PIAS3: variants seen among roughly 807,000 people sequenced by gnomAD.
The protein encoded by PIAS3 is E3 SUMO-protein ligase PIAS3.
Under a neutral mutation model 67.6 loss-of-function variants are expected in PIAS3, and 34 were observed. The ratio of observed to expected loss-of-function variants is 0.50; its 90% CI spans 0.38 to 0.67. PIAS3 has a LOEUF of 0.67. Among genes scored for constraint, PIAS3 ranks in the 30% least tolerant of loss-of-function variants. The probability of loss-of-function intolerance (pLI) is 0.00; values close to 1 mark genes in which losing one functional copy is unlikely to be tolerated. For missense variants in PIAS3, 693 were observed against 791.6 expected (o/e 0.88, Z 1.49); for synonymous variants, 341 against 313.8 (o/e 1.09, Z -0.92).
chr1:145,854,790 C>T lies in PIAS3; in HGVS notation c.760G>A (p.Val254Ile). Residue 254 changes from valine to isoleucine, a missense_variant, in exon 6 of 14, where the codon GTT becomes ATT. Val to Ile is a conservative substitution (Grantham distance 29, BLOSUM62 3). Coordinates refer to ENST00000393045, the MANE Select transcript of PIAS3 (RefSeq NM_006099.3). ...CAATTGACCACAATGGTGTTGGGAA[C>T]AGTGGCTGAGAGTCGAGCCAGGGGT... ...ITPLARLSAT[V>I]PNTIVVNWSS... 1 of 1,614,192 alleles carries T rather than the reference C, an allele frequency of 6.2e-7. No homozygotes were observed. Among genetic ancestry groups the T allele is most frequent in the East Asian group, 2.2e-5 (1 of 44,884 alleles).
chr1:145,854,217 G>T (rs1463017716), intron 7 of PIAS3: 2 of 598,212 alleles, frequency 3.3e-6, no homozygotes, highest in Non-Finnish European at 5.9e-6. Flanking sequence ...AGCAGGGCTG[G>T]AGTTAGGGAC....
In PIAS3 at chr1:145,853,902, G is replaced by C; in HGVS notation, c.911-16C>G. 2 of 1,612,478 alleles carry C rather than the reference G, an allele frequency of 1.2e-6. No individual in the cohort carries two copies. The highest frequency in any genetic ancestry group is 8.5e-7 in the Non-Finnish European group (1 of 1,179,058). ...TTCTCCTTGACTGAAACAAAAGTGA[G>C]GCCAGAGCCATGGGGTCAGCAAGGC... On this transcript the variant is annotated splice_polypyrimidine_tract_variant and intron_variant, in intron 7 of 13. Transcript: ENST00000393045.
At chr1:145,858,564 C>T (rs1653286391) in intron 1 of PIAS3, among the ~76,000 whole-genome samples, 2 of 151,592 alleles carry the variant, frequency 1.3e-5, no homozygotes, top group Non-Finnish European at 2.9e-5. Flanking sequence ...CCTACGTCTG[C>T]CCCGCGGTCC....
chr1:145,856,368 A>G lies in PIAS3; in HGVS notation c.506T>C (p.Val169Ala). 6.2e-7 allele frequency: 1 copy of G among 1,613,958 alleles called. No individual in the cohort carries two copies. Residue 169 changes from valine (V) to alanine (A), a missense_variant, in exon 3 of 14, where the codon GTG (valine) becomes GCG (alanine). Physicochemically the swap from Val to Ala is moderately conservative, Grantham distance 64. Transcript: ENST00000393045. ...GTACCTGGATGTAAGAATCTGCTGC[A>G]CTTGCTGGGGTGTGAGGGCAAAGGT... is the stretch of plus-strand genomic sequence containing the variant. ...HFTFALTPQQVQQILTSREVL... is the reference protein window; with the variant it reads ...HFTFALTPQQAQQILTSREVL...
rs112106951 is a variant in PIAS3 at position 145,856,094 on chromosome 1, A to G, written c.552T>C (p.Cys184=). The G allele has an allele frequency of 1.9e-3, 3,134 of 1,613,960 alleles. 52 individuals are homozygous for G. The African/African-American group carries it at 0.036, about 19-fold the overall frequency. ...TSREVLPGAK[C]DYTIQVQLRF... is the part of the protein sequence containing the mutation. ...TTAGCTGCACCTGTATGGTATAATC[A>G]CATTTGGCTCCTGGCAGAACCTCTC... Residue 184 remains cysteine (C), a synonymous_variant, in exon 4 of 14, where the codon TGT becomes TGC. Transcript: ENST00000393045.
intron 1 of PIAS3, chr1:145,857,218 C>T: frequency 5.1e-6 from 3 of 582,778 alleles, no homozygotes; most frequent in East Asian, 5.6e-5. Flanking sequence ...AGCATCATCA[C>T]CACCACCCCC....
Position 145,856,121 on chromosome 1 carries a change from G to A in PIAS3, c.528-3C>T, listed in dbSNP as rs781925841. 1.2e-6 allele frequency: 2 copies of A among 1,613,082 alleles called. No homozygotes were observed. The highest frequency in any genetic ancestry group is 4.5e-5 in the East Asian group (2 of 44,882). Reference sequence around the variant, plus strand: ...ATTTGGCTCCTGGCAGAACCTCTCTGTAACAGGGAGGGAGATGAAGAGATG... The same window carrying A: ...ATTTGGCTCCTGGCAGAACCTCTCTATAACAGGGAGGGAGATGAAGAGATG... On this transcript the variant is annotated splice_polypyrimidine_tract_variant and splice_region_variant and intron_variant, in intron 3 of 13. Coordinates refer to ENST00000393045, the MANE Select transcript of PIAS3 (RefSeq NM_006099.3).
rs1652831575 is a variant in PIAS3, at chr1:145,848,691, C to G, written c.*755G>C. On this transcript the variant is annotated 3_prime_UTR_variant, in exon 14 of 14. Transcript: ENST00000393045. ...AAGGTGCAGAATGAGCCAGGCCTAA[C>G]TACAGGGCCATGAGCCTCTAGAAGC... 3.7e-6 allele frequency: 2 copies of G among 540,676 alleles called. No individual in the cohort carries two copies. Among genetic ancestry groups the G allele is most frequent in the East Asian group, 6.2e-5 (2 of 32,112 alleles). 33.5% of individuals were successfully genotyped at this position (540,676 alleles called of 1,614,324 possible). A position where few individuals can be genotyped will look rare whatever the true frequency, so the allele number is the denominator to read the frequency against.
Position 145,855,916 on chromosome 1 carries a change from A to G in PIAS3, c.579-90T>C, listed in dbSNP as rs60752152. ...GACAGGGAACCCCAGAAAATCAGTC[A>G]TAGATGCCTGAAGCCCTCAGCATCC... On this transcript the variant is annotated intron_variant, in intron 4 of 13. Transcript: ENST00000393045. 187 of 1,074,550 alleles carry G rather than the reference A, an allele frequency of 1.7e-4. No individual in the cohort carries two copies. In the East Asian group the frequency reaches 4.3e-3, roughly 25 times the overall value. The allele number at this position is 1,074,550 out of a possible 1,614,324, so 66.6% of individuals were successfully genotyped here.
Position 145,848,837 on chromosome 1 carries a change from G to C in PIAS3, c.*609C>G, listed in dbSNP as rs1652838913. ...TGGCTAAGGCCTTACATCCTCCTCT[G>C]TCATACTGGAGTAGGAGGCAGGGGA... On this transcript the variant is annotated 3_prime_UTR_variant, in exon 14 of 14. Transcript: ENST00000393045. The C allele has an allele frequency of 5.3e-6, 1 of 190,192 alleles. No homozygotes were observed. The highest frequency in any genetic ancestry group is 1.1e-5 in the Non-Finnish European group (1 of 93,462). The allele number at this position is 190,192 out of a possible 1,614,324, so 11.8% of individuals were successfully genotyped here.
chr1:145,849,985 A>C lies in PIAS3; in HGVS notation c.1620+247T>G. 3 of 1,429,548 alleles carry C rather than the reference A, an allele frequency of 2.1e-6. No homozygotes were observed. The Admixed American group carries it at 8.8e-5, about 42-fold the overall frequency. 88.6% of individuals were successfully genotyped at this position (1,429,548 alleles called of 1,614,324 possible). A position where few individuals can be genotyped will look rare whatever the true frequency, so the allele number is the denominator to read the frequency against. ...CGGTTAGAGCAGGCATGGTGCTCTA[A>C]GTGCACACGGGGGTAGGGGTGAGTA... On this transcript the variant is annotated intron_variant, in intron 13 of 13. Transcript: ENST00000393045.
At chr1:145,854,908 AGAAGTGGCTCTGG>A in intron 5 of PIAS3, 28 bp from the exon 6 acceptor site, 2 of 1,612,728 alleles carry the variant, frequency 1.2e-6, no homozygotes, top group Non-Finnish European at 1.7e-6. Context: ...TGGTCAGTGG[AGAAGTGGCTCTGG>A]GAAGGGGCTC....
intron 11 of PIAS3, 72 bp from the exon 12 acceptor site, chr1:145,850,658 CCT>C (rs1652921311): frequency 1.3e-6 from 2 of 1,596,100 alleles, no homozygotes; most frequent in East Asian, 2.2e-5. Flanking sequence ...CCCCAGGTTC[CCT>C]CTCTGTCCCC....
At chr1:145,857,255 G>C in intron 1 of PIAS3, 1 of 535,846 alleles carries the variant, frequency 1.9e-6, no homozygotes, top group South Asian at 2.3e-5. Context: ...ATTTCCCCAG[G>C]CCTGGAAGCA....
At chr1:145,858,501 G>A (rs1653283416) in intron 1 of PIAS3, among the ~76,000 whole-genome samples, 1 of 143,162 alleles carries the variant, frequency 7.0e-6, no homozygotes, top group Non-Finnish European at 1.5e-5. Flanking sequence ...CTCGGATCCC[G>A]AGAGTAGCCC....
intron 5 of PIAS3, 104 bp from the exon 6 acceptor site, chr1:145,854,984 A>C: frequency 7.2e-7 from 1 of 1,387,924 alleles, no homozygotes; most frequent in Non-Finnish European, 1.0e-6. Context: ...CCTGGAGGGA[A>C]GGCCAACTCG....
chr1:145,854,367 A>T lies in PIAS3; in HGVS notation c.910+91T>A. On this transcript the variant is annotated intron_variant, in intron 7 of 13. Coordinates refer to ENST00000393045, the MANE Select transcript of PIAS3 (RefSeq NM_006099.3). ...ATGTGAGAAGGGGAGTAAGTTGTCA[A>T]AAAAGAGGTATGGGTTTAATTATGA... 3.4e-6 allele frequency: 3 copies of T among 887,408 alleles called. No homozygotes were observed. The South Asian group carries it at 4.3e-5, about 13-fold the overall frequency. 55.0% of individuals were successfully genotyped at this position (887,408 alleles called of 1,614,324 possible). A position where few individuals can be genotyped will look rare whatever the true frequency, so the allele number is the denominator to read the frequency against.
chr1:145,849,673 C>A lies in PIAS3; in HGVS notation c.1660G>T (p.Asp554Tyr). ...PSVITSLDEQ[D>Y]ALGHFFQYRG... is the part of the protein sequence containing the mutation. ...TACTGGAAGAAGTGGCCAAGGGCAT[C>A]CTGTTCATCTAGTGAGGTGATGACA... Residue 554 changes from aspartate to tyrosine, a missense_variant, in exon 14 of 14, where the codon GAT (aspartate) becomes TAT (tyrosine). Around this residue, in one of 3 missense-constraint regions of PIAS3, gnomAD observed 270 missense variants for 261.0 expected, o/e 1.03. Transcript: ENST00000393045. 1.2e-6 allele frequency: 2 copies of A among 1,611,832 alleles called. No individual in the cohort carries two copies. The highest frequency in any genetic ancestry group is 3.3e-4 in the Middle Eastern group (2 of 6,054).
rs1553735619 is a variant in PIAS3, at chr1:145,856,369, C to T, written c.505G>A (p.Val169Met). ...TACCTGGATGTAAGAATCTGCTGCA[C>T]TTGCTGGGGTGTGAGGGCAAAGGTA... Reference protein sequence around the residue: ...HFTFALTPQQVQQILTSREVL... With the variant: ...HFTFALTPQQMQQILTSREVL... Residue 169 changes from valine to methionine, a missense_variant, in exon 3 of 14, where the codon GTG (valine) becomes ATG (methionine). Physicochemically the swap from Val to Met is conservative, Grantham distance 21 (BLOSUM62 1). This residue lies in a region of PIAS3 where 308 missense variants were observed against 348.8 expected (regional missense o/e 0.88). Transcript: ENST00000393045. 21 of 1,613,862 alleles carry T rather than the reference C, an allele frequency of 1.3e-5. No homozygotes were observed. The highest frequency in any genetic ancestry group is 1.8e-5 in the Non-Finnish European group (21 of 1,179,874).
Sources: gnomAD v4.1 joint callset for allele counts (sites outside exome capture counted in the v4.1 genomes callset) on GRCh38, gnomAD v4.1.1 for gene constraint, gnomAD v4.1.1 regional missense constraint, MANE v1.5 for transcripts, NCBI Gene and HGNC (gene_info 2026-07-23, HGNC 2026-07-21) for gene names.